Variants in GPC6 observed in about 807,000 individuals in gnomAD.
The protein encoded by GPC6 is glypican-6.
A neutral mutation model predicts 55.2 loss-of-function variants in GPC6; 14 were observed. That is an observed-to-expected ratio of 0.25 (90% CI 0.17 to 0.40). The LOEUF (loss-of-function observed/expected upper bound fraction) is 0.40. GPC6 is among the 10% of genes least tolerant of loss of function. GPC6 has a pLI of 1.00. For synonymous variants in GPC6, 278 were observed against 259.6 expected, an observed-to-expected ratio of 1.07 and a Z score of -0.68; for missense variants, 641 against 708.5, an observed-to-expected ratio of 0.90 and a Z score of 1.08.
chr13:93,845,076 C>T (rs1022459216), intron 3 of GPC6, among the ~76,000 whole-genome samples: 14 of 151,960 alleles, frequency 9.2e-5, no homozygotes, highest in Middle Eastern at 3.4e-3. Context: ...AGTCAGGTAG[C>T]GTGATGCCTC....
chr13:93,349,279 G>T (rs1880539922), intron 1 of GPC6, among the ~76,000 whole-genome samples: 1 of 151,842 alleles, frequency 6.6e-6, no homozygotes, highest in Non-Finnish European at 1.5e-5. Context: ...CCCTGTAAAA[G>T]TAACTAAGTT....
chr13:93,593,510 T>C (rs958950942), intron 2 of GPC6, among the ~76,000 whole-genome samples: 1 of 152,140 alleles, frequency 6.6e-6, no homozygotes, highest in Non-Finnish European at 1.5e-5. Context: ...ATTTAAAAAT[T>C]TTAAATCCAG....
At chr13:93,393,107 GATATAT>G (rs374414019) in intron 1 of GPC6, among the ~76,000 whole-genome samples, 2,414 of 114,724 alleles carry the variant, frequency 0.021, 29 homozygotes, top group Non-Finnish European at 0.029. Context: ...ATGTATATTT[GATATAT>G]ATATATATAT....
chr13:93,485,331 C>A (rs1594203582), intron 1 of GPC6, among the ~76,000 whole-genome samples: 1 of 152,126 alleles, frequency 6.6e-6, no homozygotes, highest in African/African-American at 2.4e-5. Flanking sequence ...TCCAGCCAAA[C>A]TTGAGGTTCA....
intron 3 of GPC6, among the ~76,000 whole-genome samples, chr13:93,864,046 G>T (rs552292230): frequency 6.6e-6 from 1 of 151,554 alleles, no homozygotes; most frequent in Non-Finnish European, 1.5e-5. Context: ...GTGATAATGG[G>T]CTCAATTTAA....
intron 6 of GPC6, among the ~76,000 whole-genome samples, chr13:94,378,726 A>G (rs535469656): frequency 7.2e-5 from 11 of 152,216 alleles, no homozygotes; most frequent in Non-Finnish European, 1.5e-4. Flanking sequence ...TTTAACTTCC[A>G]GAATCTATCA....
At chr13:93,960,044 A>G (rs1297268502) in intron 3 of GPC6, among the ~76,000 whole-genome samples, 1 of 152,016 alleles carries the variant, frequency 6.6e-6, no homozygotes, top group Non-Finnish European at 1.5e-5. Context: ...TTCTCTGTAG[A>G]CTCCACATCT....
chr13:93,423,934 C>A (rs1877023066), intron 1 of GPC6, among the ~76,000 whole-genome samples: 1 of 152,106 alleles, frequency 6.6e-6, no homozygotes. Context: ...CACCGAGACA[C>A]TTGAGAAAAA....
chr13:93,372,382 G>T (rs975367324), intron 1 of GPC6, among the ~76,000 whole-genome samples: 18 of 152,082 alleles, frequency 1.2e-4, no homozygotes, highest in Admixed American at 3.3e-4. Flanking sequence ...TTTCAGCATT[G>T]AGAATGATTG....
intron 8 of GPC6, among the ~76,000 whole-genome samples, chr13:94,400,881 G>T (rs936983526): frequency 6.6e-6 from 1 of 152,166 alleles, no homozygotes; most frequent in Non-Finnish European, 1.5e-5. Context: ...ACAGATAGAT[G>T]TTATTACTCT....
chr13:93,692,433 G>A (rs1804531625), intron 2 of GPC6, among the ~76,000 whole-genome samples: 1 of 152,086 alleles, frequency 6.6e-6, no homozygotes, highest in South Asian at 2.1e-4. Flanking sequence ...TTTAATTACA[G>A]TTACATTGAC....
intron 3 of GPC6, among the ~76,000 whole-genome samples, chr13:93,849,111 T>G (rs1054208781): frequency 2.0e-5 from 3 of 152,158 alleles, no homozygotes; most frequent in Admixed American, 2.0e-4. Flanking sequence ...CCTTCCATCC[T>G]TATCATTCCT....
chr13:93,489,383 A>G (rs145715988), intron 1 of GPC6, among the ~76,000 whole-genome samples: 39,185 of 151,230 alleles, frequency 0.26, 5,759 homozygotes, highest in East Asian at 0.5. Context: ...GCCTTGTAGT[A>G]TAGTTTAAAG....
At chr13:93,860,023 C>G (rs534024064) in intron 3 of GPC6, among the ~76,000 whole-genome samples, 1 of 151,846 alleles carries the variant, frequency 6.6e-6, no homozygotes, top group Admixed American at 6.6e-5. Context: ...CCTACTTCCT[C>G]TCACCTTATG....
intron 4 of GPC6, among the ~76,000 whole-genome samples, chr13:94,177,908 C>T (rs1036297073): frequency 3.2e-4 from 49 of 151,914 alleles, no homozygotes; most frequent in Non-Finnish European, 7.1e-4. Context: ...TAAAAAAATA[C>T]TTTTTATATT....
At chr13:93,846,764 A>T (rs1372125148) in intron 3 of GPC6, among the ~76,000 whole-genome samples, 1 of 152,166 alleles carries the variant, frequency 6.6e-6, no homozygotes, top group Non-Finnish European at 1.5e-5. Context: ...CAGTGAGCTG[A>T]GATTGCGCCA....
intron 2 of GPC6, among the ~76,000 whole-genome samples, chr13:93,678,601 T>A (rs1293297786): frequency 6.6e-6 from 1 of 152,180 alleles, no homozygotes; most frequent in Non-Finnish European, 1.5e-5. Context: ...GACCACTCCC[T>A]GCAGTCAGAG....
chr13:93,869,123 A>G (rs924422704), intron 3 of GPC6, among the ~76,000 whole-genome samples: 3 of 151,832 alleles, frequency 2.0e-5, no homozygotes, highest in African/African-American at 7.2e-5. Context: ...AATACTGCAC[A>G]CCATCTGCTT....
In GPC6 at chr13:93,824,928, A is replaced by G. The variant is rs561434305; in HGVS notation, c.320-5226A>G. 1.7e-3 allele frequency among the ~76,000 whole-genome samples: 257 copies of G among 152,266 alleles called. 2 individuals are homozygous for G. The highest frequency in any genetic ancestry group is 5.6e-3 in the African/African-American group (234 of 41,550). On this transcript the variant is annotated intron_variant, in intron 2 of 8. Coordinates refer to ENST00000377047, the MANE Select transcript of GPC6 (RefSeq NM_005708.5). ...CATGTAACAGGCACCATACATGGAA[A>G]TGGGAGTATTGACTACCGAGAATCT...
Sources: gnomAD v4.1 joint callset for allele counts (sites outside exome capture counted in the v4.1 genomes callset) on GRCh38, gnomAD v4.1.1 for gene constraint, MANE v1.5 for transcripts, NCBI Gene and HGNC (gene_info 2026-07-23, HGNC 2026-07-21) for gene names.